Variants in PTK2 observed in about 807,000 individuals in gnomAD.
The protein encoded by PTK2 is focal adhesion kinase 1.
Under a neutral mutation model 150.1 loss-of-function variants are expected in PTK2, and 45 were observed. That is an observed-to-expected ratio of 0.30 (90% CI 0.24 to 0.38). The LOEUF is 0.38. Ranked by LOEUF, PTK2 falls within the 10% of genes least tolerant of loss-of-function variation. The pLI, the probability that PTK2 is intolerant of heterozygous loss-of-function variation, is 1.00. For synonymous variants in PTK2, 432 were observed against 449.2 expected (o/e 0.96, Z 0.48); for missense variants, 919 against 1,307.3 (o/e 0.70, Z 4.58).
intron 1 of PTK2, among the ~76,000 whole-genome samples, chr8:140,967,484 G>A (rs552914517): frequency 1.5e-4 from 22 of 142,500 alleles, no homozygotes; most frequent in Middle Eastern, 3.8e-3. Context: ...TTTTTGAGAC[G>A]GAGTCTCTCT....
chr8:140,891,833 T>C (rs112252584), intron 2 of PTK2, among the ~76,000 whole-genome samples: 163 of 152,304 alleles, frequency 1.1e-3, no homozygotes, highest in African/African-American at 3.6e-3. Context: ...TGTTAGGACA[T>C]CCCCAGGCTT....
chr8:140,945,303 G>C (rs1025212723), intron 1 of PTK2, among the ~76,000 whole-genome samples: 2 of 152,206 alleles, frequency 1.3e-5, no homozygotes, highest in African/African-American at 4.8e-5. Flanking sequence ...TTACCATCAA[G>C]GCTGGACACT....
At chr8:140,812,974 T>C (rs997842836) in intron 10 of PTK2, among the ~76,000 whole-genome samples, 1 of 152,192 alleles carries the variant, frequency 6.6e-6, no homozygotes, top group African/African-American at 2.4e-5. Flanking sequence ...CGTAGATCAC[T>C]GAGATGGAAA....
Position 140,833,036 on chromosome 8 carries a change from T to C in PTK2, c.594-2510A>G, listed in dbSNP as rs116435573. 1.7e-3 allele frequency: 904 copies of C among 519,014 alleles called. 4 individuals are homozygous for C. Among genetic ancestry groups the C allele is most frequent in the African/African-American group, 0.015 (796 of 52,074 alleles). The allele number at this position is 519,014 out of a possible 1,614,324, so 32.2% of individuals were successfully genotyped here. The stretch of plus-strand genomic sequence containing the variant: ...ATAACTAAAGAACTTACCATATTCA[T>C]TGCTGTCACAAATAAGAAAGTTAAA... On this transcript the variant is annotated intron_variant, in intron 7 of 31. Transcript: ENST00000522684.
intron 2 of PTK2, among the ~76,000 whole-genome samples, chr8:140,917,354 A>G (rs1420188737): frequency 6.6e-6 from 1 of 151,820 alleles, no homozygotes; most frequent in Admixed American, 6.6e-5. Flanking sequence ...AAGGACAGGA[A>G]AGGACAGGAG....
intron 10 of PTK2, among the ~76,000 whole-genome samples, chr8:140,809,236 A>G (rs924853472): frequency 3.9e-5 from 6 of 152,226 alleles, no homozygotes; most frequent in African/African-American, 1.4e-4. Context: ...CAGAATGAAG[A>G]AAAATACTGA....
chr8:140,936,835 A>C (rs2100173805), intron 1 of PTK2, among the ~76,000 whole-genome samples: 1 of 151,894 alleles, frequency 6.6e-6, no homozygotes. Flanking sequence ...CATCAGTCCA[A>C]TAGGACAAAG....
chr8:140,792,101 G>T (rs2100088839), intron 13 of PTK2, among the ~76,000 whole-genome samples: 1 of 152,194 alleles, frequency 6.6e-6, no homozygotes, highest in South Asian at 2.1e-4. Flanking sequence ...GCAGGCCTGT[G>T]ACTGACCTTA....
chr8:140,958,912 T>C (rs1587414681), intron 1 of PTK2, among the ~76,000 whole-genome samples: 1 of 152,232 alleles, frequency 6.6e-6, no homozygotes, highest in South Asian at 2.1e-4. Context: ...TTATTTTTTA[T>C]TGTGTGAAGC....
intron 26 of PTK2, 55 bp downstream of exon 29, chr8:140,700,836 A>G (rs2100029823): frequency 4.4e-6 from 7 of 1,593,708 alleles, no homozygotes; most frequent in South Asian, 1.1e-5. Context: ...TTTGCAATAT[A>G]GTAGACTCTA....
At chr8:140,835,193 T>C (rs1204432474) in intron 7 of PTK2, among the ~76,000 whole-genome samples, 5 of 152,236 alleles carry the variant, frequency 3.3e-5, no homozygotes, top group South Asian at 4.1e-4. Flanking sequence ...AGCTGGCTTT[T>C]AGAAGCCTCA....
intron 22 of PTK2, among the ~76,000 whole-genome samples, chr8:140,719,887 CAAAA>C (rs71308987): frequency 2.2e-5 from 2 of 90,870 alleles, no homozygotes; most frequent in Admixed American, 1.3e-4. Flanking sequence ...CTTGTCTCAC[CAAAA>C]AAAAAAAAAA....
intron 31 of PTK2, chr8:140,662,927 A>T (rs1381145490): frequency 4.8e-6 from 2 of 416,278 alleles, no homozygotes; most frequent in Non-Finnish European, 8.5e-6. Flanking sequence ...AGATAAAAAA[A>T]GGCTGAGGAG....
At chr8:140,845,598 A>G (rs969689654) in intron 7 of PTK2, among the ~76,000 whole-genome samples, 7 of 152,310 alleles carry the variant, frequency 4.6e-5, no homozygotes, top group Admixed American at 1.3e-4. Context: ...ACATTATGTT[A>G]TAATTTTGCT....
At chr8:140,702,686 G>A (rs2100031415) in exon 25 of PTK2, 1 of 1,613,890 alleles carries the variant, frequency 6.2e-7, no homozygotes, top group Non-Finnish European at 8.5e-7. Context: ...GTGATTCCAT[G>A]TGAACCAGGG....
chr8:140,761,380 T>A, intron 15 of PTK2, 118 bp from the exon 19 acceptor site: 6 of 829,060 alleles, frequency 7.2e-6, no homozygotes, highest in Non-Finnish European at 1.3e-5. Context: ...CATCAATCTA[T>A]GAAAATGCTT....
At chr8:140,914,973 C>T (rs965599423) in intron 2 of PTK2, among the ~76,000 whole-genome samples, 6 of 129,406 alleles carry the variant, frequency 4.6e-5, no homozygotes, top group African/African-American at 1.8e-4. Flanking sequence ...GCAGAGGTTG[C>T]GGTGAGCCGA....
At chr8:140,779,245 G>GAA (rs140826832) in intron 14 of PTK2, among the ~76,000 whole-genome samples, 2 of 112,036 alleles carry the variant, frequency 1.8e-5, no homozygotes, top group Non-Finnish European at 3.8e-5. Context: ...CTGGGCGATG[G>GAA]AAAAAAAAAA....
intron 21 of PTK2, among the ~76,000 whole-genome samples, chr8:140,737,145 A>G (rs758247446): frequency 3.3e-5 from 5 of 152,178 alleles, no homozygotes; most frequent in Non-Finnish European, 5.9e-5. Flanking sequence ...ACAAATATAT[A>G]TATTTTTGAG....
Sources: gnomAD v4.1 joint callset for allele counts (sites outside exome capture counted in the v4.1 genomes callset) on GRCh38, gnomAD v4.1.1 for gene constraint, MANE v1.5 for transcripts, NCBI Gene and HGNC (gene_info 2026-07-23, HGNC 2026-07-21) for gene names.